The following EIF2AK1 variants were observed in gnomAD, a reference collection of about 807,000 sequenced individuals.
EIF2AK1 encodes the protein eukaryotic translation initiation factor 2-alpha kinase 1.
Under a neutral mutation model 77.9 loss-of-function variants are expected in EIF2AK1, and 54 were observed. The observed-to-expected ratio is 0.69, with a 90% CI of 0.56 to 0.87. The LOEUF is 0.87. Among genes scored for constraint, EIF2AK1 ranks in the 40% least tolerant of loss-of-function variants. The probability of loss-of-function intolerance (pLI) is 0.00; values close to 1 mark genes in which losing one functional copy is unlikely to be tolerated. For missense variants in EIF2AK1, 810 were observed against 768.6 expected, an observed-to-expected ratio of 1.05 and a Z score of -0.64; for synonymous variants, 314 against 290.5, an observed-to-expected ratio of 1.08 and a Z score of -0.82.
chr7:6,052,058 G>A (rs1211461862), intron 2 of EIF2AK1, among the ~76,000 whole-genome samples: 1 of 151,442 alleles, frequency 6.6e-6, no homozygotes, highest in Admixed American at 6.6e-5. Flanking sequence ...TGTAGTCCCA[G>A]CTACTTGGGA....
At chr7:6,041,286 C>A in intron 8 of EIF2AK1, 67 bp from the exon 9 acceptor site, 2 of 1,491,046 alleles carry the variant, frequency 1.3e-6, no homozygotes, top group Non-Finnish European at 9.0e-7. Context: ...TGCCTGTAAT[C>A]CCAGCACTTT....
intron 11 of EIF2AK1, among the ~76,000 whole-genome samples, chr7:6,034,114 G>C (rs1249284909): frequency 6.6e-6 from 1 of 151,212 alleles, no homozygotes; most frequent in Non-Finnish European, 1.5e-5. Context: ...TCAGGAGTTC[G>C]AGACCAGCCT....
Position 6,037,445 on chromosome 7 carries a change from TC to T in EIF2AK1, c.1310del (p.Gly437GlufsTer7). 1 of 1,611,636 alleles carries T rather than the reference TC, an allele frequency of 6.2e-7. No individual in the cohort carries two copies. The highest frequency in any genetic ancestry group is 8.5e-7 in the Non-Finnish European group (1 of 1,178,784). On this transcript the variant is annotated frameshift_variant, in exon 11 of 15. Transcript: ENST00000199389. LOFTEE classifies it high-confidence loss of function. ...TTACCTTCAGATCTCGGTGCACAAT[TC>T]CCATGTTATGTATGTAAAACACACC... ...VEGVFYIHNM[G>X]IVHRDLKPRN...
intron 11 of EIF2AK1, 140 bp from the exon 12 acceptor site, chr7:6,029,172 G>A (rs1175314949): frequency 1.4e-5 from 10 of 704,576 alleles, no homozygotes; most frequent in Non-Finnish European, 1.4e-5. Context: ...TCCCAAATTT[G>A]CCTACACATC....
At position 6,024,700 on chromosome 7, in the gene EIF2AK1, A is replaced by G. The variant is rs1315566531; in HGVS notation, c.1866T>C (p.Asp622=). 6.2e-7 allele frequency: 1 copy of G among 1,612,724 alleles called. No homozygotes were observed. Among genetic ancestry groups the G allele is most frequent in the East Asian group, 2.2e-5 (1 of 44,840 alleles). Residue 622 remains aspartate (D), a synonymous_variant, in exon 15 of 15, where the codon GAT becomes GAC. Transcript: ENST00000199389. ...ATCCCACGCCCCCATCCTTTCCGTC[A>G]TCCCTCACCCCTTTGTCTTGAGAAA... ...NLLSQDKGVR[D]DGKDGGVG is the part of the protein sequence containing the mutation.
At chr7:6,051,990 G>C (rs1315609902) in intron 2 of EIF2AK1, among the ~76,000 whole-genome samples, 1 of 151,884 alleles carries the variant, frequency 6.6e-6, no homozygotes, top group Non-Finnish European at 1.5e-5. Context: ...GGCTAACACA[G>C]TGAAACTCCG....
Position 6,023,440 on chromosome 7 carries a change from G to GAT in EIF2AK1, c.*1231_*1232dup. 6.2e-7 allele frequency: 1 copy of GAT among 1,614,200 alleles called. No homozygotes were observed. The highest frequency in any genetic ancestry group is 8.5e-7 in the Non-Finnish European group (1 of 1,180,018). On this transcript the variant is annotated 3_prime_UTR_variant, in exon 15 of 15. Transcript: ENST00000199389. ...CGCAACCCTTATAGATAGCTGGGTAGATATTGCGATTTTTCAGTTAAAAGA... is the reference window on the plus strand; with the variant it reads ...CGCAACCCTTATAGATAGCTGGGTAGATATATTGCGATTTTTCAGTTAAAAGA...
chr7:6,042,220 G>A (rs1441068310), intron 8 of EIF2AK1, among the ~76,000 whole-genome samples: 1 of 151,854 alleles, frequency 6.6e-6, no homozygotes, highest in Non-Finnish European at 1.5e-5. Context: ...GGAGGCCAAG[G>A]CAGGCAGATC....
At chr7:6,029,948 C>G (rs1476818148) in intron 11 of EIF2AK1, among the ~76,000 whole-genome samples, 2 of 152,090 alleles carry the variant, frequency 1.3e-5, no homozygotes, top group Admixed American at 6.6e-5. Context: ...TCACTGCACT[C>G]CAGCCTGGGA....
chr7:6,036,299 G>C lies in EIF2AK1; in HGVS notation c.1332+1125C>G. On this transcript the variant is annotated intron_variant, in intron 11 of 14. Coordinates refer to ENST00000199389, the MANE Select transcript of EIF2AK1 (RefSeq NM_014413.4). This position sits in a 1 kb window ranked among gnomAD's most constrained non-coding sequence, Gnocchi z 4.6. ...GAAACATCAGGAATATTTATGGTGA[G>C]AAATACAAACAGCACTTGAAGCAAT... is the stretch of plus-strand genomic sequence containing the variant. The C allele has an allele frequency of 6.5e-7, 1 of 1,548,034 alleles. No homozygotes were observed.
At position 6,024,618 on chromosome 7, in the gene EIF2AK1, A is replaced by G. The variant is rs2128884025; in HGVS notation, c.*55T>C. 1 of 1,611,738 alleles carries G rather than the reference A, an allele frequency of 6.2e-7. No homozygotes were observed. Among genetic ancestry groups the G allele is most frequent in the Non-Finnish European group, 8.5e-7 (1 of 1,179,180 alleles). On this transcript the variant is annotated 3_prime_UTR_variant, in exon 15 of 15. Transcript: ENST00000199389. ...CGAAGCATTGTACCAACTATACCCTAATAAAGATTAAAAATTTACATTCCA... is the reference window on the plus strand; with the variant it reads ...CGAAGCATTGTACCAACTATACCCTGATAAAGATTAAAAATTTACATTCCA...
intron 1 of EIF2AK1, 132 bp from the exon 2 acceptor site, chr7:6,054,836 C>A (rs1011045135): frequency 4.1e-5 from 39 of 944,550 alleles, no homozygotes; most frequent in Middle Eastern, 3.4e-4. Flanking sequence ...AATAGTTATG[C>A]TGAGTTGGGT....
At position 6,033,486 on chromosome 7, in the gene EIF2AK1, T is replaced by A. The variant is rs901411506; in HGVS notation, c.1332+3938A>T. 6.6e-6 allele frequency among the ~76,000 whole-genome samples: 1 copy of A among 152,180 alleles called. No individual in the cohort carries two copies. Among genetic ancestry groups the A allele is most frequent in the Admixed American group, 6.5e-5 (1 of 15,280 alleles). On this transcript the variant is annotated intron_variant, in intron 11 of 14. Coordinates refer to ENST00000199389, the MANE Select transcript of EIF2AK1 (RefSeq NM_014413.4). This position sits in a 1 kb window ranked among gnomAD's most constrained non-coding sequence, Gnocchi z 4.4. ...CTGAGGATTAAGAGCTCAATGGTGG[T>A]GTTGTGAGGAATGCAGTAAAGTCCT...
At position 6,059,051 on chromosome 7, in the gene EIF2AK1, G is replaced by C. The variant is rs1426172089; in HGVS notation, c.33C>G (p.Arg11=). MQGGNSGVRK[R]EEEGDGAGAV... The stretch of plus-strand genomic sequence containing the variant: ...CCCCAGCCCCGTCGCCCTCCTCTTC[G>C]CGCTTGCGGACCCCGGAGTTGCCCC... The change falls in exon 1 of 15, where the codon CGC becomes CGG. Residue 11 remains arginine (R), a synonymous_variant. Coordinates refer to ENST00000199389, the MANE Select transcript of EIF2AK1 (RefSeq NM_014413.4). The C allele has an allele frequency of 2.7e-6, 4 of 1,498,430 alleles. No homozygotes were observed. Among genetic ancestry groups the C allele is most frequent in the South Asian group, 2.5e-5 (2 of 78,560 alleles). The allele number at this position is 1,498,430 out of a possible 1,614,324, so 92.8% of individuals were successfully genotyped here. A position where few individuals can be genotyped will look rare whatever the true frequency, so the allele number is the denominator to read the frequency against.
At chr7:6,030,922 T>C (rs1319933281) in intron 11 of EIF2AK1, among the ~76,000 whole-genome samples, 1 of 152,160 alleles carries the variant, frequency 6.6e-6, no homozygotes, top group Non-Finnish European at 1.5e-5. Context: ...TCCCAAACTA[T>C]TCCTATGCCG....
Position 6,035,665 on chromosome 7 carries a change from GT to G in EIF2AK1, c.1332+1758del. On this transcript the variant is annotated intron_variant, in intron 11 of 14. Coordinates refer to ENST00000199389, the MANE Select transcript of EIF2AK1 (RefSeq NM_014413.4). The surrounding 1 kb of genome is among the most constrained non-coding windows in gnomAD (Gnocchi z 5.5). Reference sequence around the variant, plus strand: ...CCACTCCACCTGGCCATAGCATATGGTTGCTATCCAGTTCTCTCCATTTTGA... The same window carrying G: ...CCACTCCACCTGGCCATAGCATATGGTGCTATCCAGTTCTCTCCATTTTGA... 6.4e-7 allele frequency: 1 copy of G among 1,550,644 alleles called. No individual in the cohort carries two copies. Among genetic ancestry groups the G allele is most frequent in the Non-Finnish European group, 8.7e-7 (1 of 1,147,054 alleles).
In EIF2AK1 at chr7:6,041,087, G is replaced by T; in HGVS notation, c.924C>A (p.Thr308=). ...ENQNNKSVKY[T]TNLVIRESGE... is the part of the protein sequence containing the mutation. ...CAGATTCTCTTATGACTAAATTGGT[G>T]GTGTACTTCACCGACTTGTTATTCT... Residue 308 remains threonine (T), a synonymous_variant, in exon 9 of 15, where the codon ACC becomes ACA. Transcript: ENST00000199389. 2 of 1,613,996 alleles carry T rather than the reference G, an allele frequency of 1.2e-6. No homozygotes were observed. Among genetic ancestry groups the T allele is most frequent in the African/African-American group, 2.7e-5 (2 of 74,984 alleles).
chr7:6,056,836 C>T (rs529148243), intron 1 of EIF2AK1, among the ~76,000 whole-genome samples: 15 of 151,546 alleles, frequency 9.9e-5, no homozygotes, highest in African/African-American at 3.6e-4. Context: ...AGGGACTTTT[C>T]CTATGACATA....
At position 6,040,978 on chromosome 7, in the gene EIF2AK1, G is replaced by A. The variant is rs973646266; in HGVS notation, c.1033C>T (p.Leu345Phe). The change falls in exon 9 of 15, where the codon CTC becomes TTC. Residue 345 changes from leucine (L) to phenylalanine (F), a missense_variant. Transcript: ENST00000199389. ...ASSIVEQQLP[L>F]RRNSHLEESF... ...TCCTCTAGGTGGGAATTACGCCTGA[G>A]TGGCAGCTGCTGTTCCACAATTGAA... is the stretch of plus-strand genomic sequence containing the variant. 2.5e-6 allele frequency: 4 copies of A among 1,614,174 alleles called. No homozygotes were observed. The Admixed American group carries it at 6.7e-5, about 27-fold the overall frequency.
Sources: gnomAD v4.1 joint callset for allele counts (sites outside exome capture counted in the v4.1 genomes callset) on GRCh38, gnomAD v4.1.1 for gene constraint, Gnocchi (gnomAD v3.1) non-coding constraint, MANE v1.5 for transcripts, NCBI Gene and HGNC (gene_info 2026-07-23, HGNC 2026-07-21) for gene names.